NOMO1: variants seen among roughly 807,000 people sequenced by gnomAD.
The protein encoded by NOMO1 is NODAL modulator 1.
A neutral mutation model predicts 133.8 loss-of-function variants in NOMO1; 40 were observed. The ratio of observed to expected loss-of-function variants is 0.30; its 90% CI spans 0.23 to 0.39. The LOEUF (loss-of-function observed/expected upper bound fraction) is 0.39, where lower values mean the gene tolerates loss of function less well. Ranked by LOEUF, NOMO1 falls within the 10% of genes least tolerant of loss-of-function variation. The pLI is 1.00. For synonymous variants in NOMO1, 236 were observed against 570.5 expected, an observed-to-expected ratio of 0.41 and a Z score of 8.36; for missense variants, 462 against 1,419.9, an observed-to-expected ratio of 0.33 and a Z score of 10.84.
chr16:14,870,840 G>A (rs911088021), intron 16 of NOMO1, among the ~76,000 whole-genome samples: 1 of 146,130 alleles, frequency 6.8e-6, no homozygotes. Flanking sequence ...ATTCCCCACT[G>A]TGTACCAGTA....
chr16:14,864,572 C>G lies in NOMO1; in HGVS notation c.1396-13C>G. ...CGAATGCAGCCTCTAACGTTCCATC[C>G]ACGTTTCCACAGGTGATGGTTCCTG... On this transcript the variant is annotated splice_polypyrimidine_tract_variant and intron_variant, in intron 12 of 30. Transcript: ENST00000287667. 6.2e-7 allele frequency: 1 copy of G among 1,612,988 alleles called. No homozygotes were observed. Among genetic ancestry groups the G allele is most frequent in the Non-Finnish European group, 8.5e-7 (1 of 1,179,454 alleles).
chr16:14,866,744 G>A, intron 15 of NOMO1, 53 bp downstream of exon 15: 1 of 1,609,762 alleles, frequency 6.2e-7, no homozygotes, highest in Non-Finnish European at 8.5e-7. Context: ...CCTTGTGGAT[G>A]TCAAGAAAGA....
In NOMO1 at chr16:14,868,428, C is replaced by G; in HGVS notation, c.1807-120C>G. On this transcript the variant is annotated intron_variant, in intron 15 of 30. Coordinates refer to ENST00000287667, the MANE Select transcript of NOMO1 (RefSeq NM_014287.4). ...GGAGGTTTTTAATTTTCCTGTGGCACCCAACTGCTCCAATGATTAATGGGC... is the reference window on the plus strand; with the variant it reads ...GGAGGTTTTTAATTTTCCTGTGGCAGCCAACTGCTCCAATGATTAATGGGC... 4.7e-6 allele frequency: 3 copies of G among 640,938 alleles called. No individual in the cohort carries two copies. The South Asian group carries it at 5.6e-5, about 12-fold the overall frequency. 39.7% of individuals were successfully genotyped at this position (640,938 alleles called of 1,614,324 possible).
chr16:14,875,601 G>T (rs1323439828), intron 20 of NOMO1, among the ~76,000 whole-genome samples, 179 bp downstream of exon 20: 1 of 151,106 alleles, frequency 6.6e-6, no homozygotes, highest in Non-Finnish European at 1.5e-5. Flanking sequence ...GGATGGTTGG[G>T]TTGGATGGAT....
At chr16:14,892,663 G>T (rs1239530395) in intron 29 of NOMO1, among the ~76,000 whole-genome samples, 5 of 149,824 alleles carry the variant, frequency 3.3e-5, no homozygotes, top group Non-Finnish European at 5.9e-5. Flanking sequence ...CCCGAGCAGG[G>T]CCAAGTGTTG....
At chr16:14,878,408 T>TGCTTGA (rs1373508484) in intron 22 of NOMO1, among the ~76,000 whole-genome samples, 1 of 119,336 alleles carries the variant, frequency 8.4e-6, no homozygotes, top group African/African-American at 3.3e-5. Context: ...GCTGAAGGAT[T>TGCTTGA]GCTTGAGCTT....
At chr16:14,839,345 T>C (rs1359407696) in intron 2 of NOMO1, among the ~76,000 whole-genome samples, 1 of 152,012 alleles carries the variant, frequency 6.6e-6, no homozygotes, top group Non-Finnish European at 1.5e-5. Flanking sequence ...TGTGAGCCGA[T>C]GTTTCCGGCC....
In NOMO1 at chr16:14,864,437, G is replaced by T. The variant is rs1207308233; in HGVS notation, c.1396-148G>T. The T allele has an allele frequency of 3.5e-6, 5 of 1,436,544 alleles. No homozygotes were observed. In the South Asian group the frequency reaches 6.8e-5, roughly 19 times the overall value. 89.0% of individuals were successfully genotyped at this position (1,436,544 alleles called of 1,614,324 possible). A position where few individuals can be genotyped will look rare whatever the true frequency, so the allele number is the denominator to read the frequency against. On this transcript the variant is annotated intron_variant, in intron 12 of 30. Coordinates refer to ENST00000287667, the MANE Select transcript of NOMO1 (RefSeq NM_014287.4). ...CTTCACACAAGTTATTCGTGGATTT[G>T]TTGTGATTGTAAAATCGGCCTGGAA...
chr16:14,870,382 G>A (rs575597855), intron 16 of NOMO1, among the ~76,000 whole-genome samples: 11 of 151,662 alleles, frequency 7.3e-5, no homozygotes, highest in Non-Finnish European at 1.0e-4. Context: ...ATTTCCTTGC[G>A]CCCTCTCCTC....
chr16:14,864,981 C>T (rs1378138144), intron 13 of NOMO1, 43 bp from the exon 14 acceptor site: 1 of 1,609,482 alleles, frequency 6.2e-7, no homozygotes, highest in Non-Finnish European at 8.5e-7. Context: ...GTGCTGAAGC[C>T]TTATAAGGGG....
At chr16:14,889,604 C>A (rs1335765108) in intron 29 of NOMO1, among the ~76,000 whole-genome samples, 2 of 151,948 alleles carry the variant, frequency 1.3e-5, no homozygotes, top group East Asian at 3.9e-4. Context: ...GTCCATACAA[C>A]CTGTGCTCCA....
At chr16:14,874,440 C>T (rs1209991853) in intron 18 of NOMO1, among the ~76,000 whole-genome samples, 2 of 152,154 alleles carry the variant, frequency 1.3e-5, no homozygotes, top group East Asian at 3.9e-4. Context: ...CAGAGAGCTG[C>T]GTGGCGCATT....
chr16:14,879,983 G>A, intron 23 of NOMO1, 32 bp from the exon 24 acceptor site: 1 of 1,611,590 alleles, frequency 6.2e-7, no homozygotes, highest in Non-Finnish European at 8.5e-7. Context: ...CCTAGATGTG[G>A]CTGCTGAGGC....
chr16:14,869,975 A>G (rs955750945), intron 16 of NOMO1, among the ~76,000 whole-genome samples: 4 of 151,252 alleles, frequency 2.6e-5, no homozygotes, highest in African/African-American at 9.8e-5. Flanking sequence ...TTTGTTTTGC[A>G]TTTTCCTAAT....
chr16:14,858,637 A>G (rs1354521103), intron 11 of NOMO1, among the ~76,000 whole-genome samples: 1 of 152,110 alleles, frequency 6.6e-6, no homozygotes, highest in Non-Finnish European at 1.5e-5. Context: ...TGGCAGGTGA[A>G]GGTGATGATG....
chr16:14,880,235 A>G (rs1042811391), intron 24 of NOMO1, 93 bp downstream of exon 24: 1 of 1,039,646 alleles, frequency 9.6e-7, no homozygotes, highest in East Asian at 2.5e-5. Context: ...CAGGCTTCAC[A>G]CTGATTTTAC....
At chr16:14,887,627 A>G (rs1430785953) in intron 28 of NOMO1, among the ~76,000 whole-genome samples, 1 of 151,808 alleles carries the variant, frequency 6.6e-6, no homozygotes, top group East Asian at 1.9e-4. Context: ...ATTTTTATGG[A>G]CAGTAGTCCA....
chr16:14,874,990 A>G, intron 18 of NOMO1, 46 bp from the exon 19 acceptor site: 1 of 1,613,442 alleles, frequency 6.2e-7, no homozygotes, highest in Non-Finnish European at 8.5e-7. Context: ...ATTCCCACTG[A>G]CCACAAGGAT....
intron 9 of NOMO1, among the ~76,000 whole-genome samples, chr16:14,856,770 G>A (rs554010823): frequency 1.3e-5 from 2 of 152,082 alleles, no homozygotes; most frequent in South Asian, 2.1e-4. Flanking sequence ...GAGGGGGCAC[G>A]TGAGACCTTG....
Sources: allele counts gnomAD v4.1 joint callset (sites outside exome capture counted in the v4.1 genomes callset), GRCh38; gene constraint gnomAD v4.1.1; transcripts MANE v1.5; gene names NCBI Gene and HGNC (gene_info 2026-07-23, HGNC 2026-07-21).